DGKB: variants seen among roughly 807,000 people sequenced by gnomAD.
The protein encoded by DGKB is 90 kDa diacylglycerol kinase.
In DGKB, 67 loss-of-function variants were observed where a neutral mutation model predicts 114.3. That is an observed-to-expected ratio of 0.59 (90% CI 0.48 to 0.72). The LOEUF is 0.72. Ranked by LOEUF, DGKB falls within the 30% of genes least tolerant of loss-of-function variation. The pLI, the probability that DGKB is intolerant of heterozygous loss-of-function variation, is 0.00. For missense variants in DGKB, 907 were observed against 975.2 expected, an observed-to-expected ratio of 0.93 and a Z score of 0.93; for synonymous variants, 398 against 323.1, an observed-to-expected ratio of 1.23 and a Z score of -2.49.
intron 23 of DGKB, among the ~76,000 whole-genome samples, chr7:14,320,124 TTG>T (rs1372967607): frequency 6.6e-6 from 1 of 152,166 alleles, no homozygotes; most frequent in Non-Finnish European, 1.5e-5. Flanking sequence ...TCTCTGACAT[TTG>T]GTCCTAAGAG....
At chr7:14,229,198 G>A (rs1056068372) in intron 23 of DGKB, among the ~76,000 whole-genome samples, 1 of 151,834 alleles carries the variant, frequency 6.6e-6, no homozygotes, top group Non-Finnish European at 1.5e-5. Context: ...TATAATATGT[G>A]GTCAGTATTA....
chr7:14,619,500 A>G (rs1343805696), intron 15 of DGKB, among the ~76,000 whole-genome samples: 1 of 151,632 alleles, frequency 6.6e-6, no homozygotes, highest in Admixed American at 6.6e-5. Context: ...TGATTATGAA[A>G]ATCTTGGAAA....
intron 15 of DGKB, among the ~76,000 whole-genome samples, chr7:14,618,726 A>G (rs1437392020): frequency 2.0e-5 from 3 of 151,620 alleles, no homozygotes; most frequent in Admixed American, 6.6e-5. Flanking sequence ...ACTTCCTCTA[A>G]TTAGAAATAA....
chr7:14,434,411 A>T (rs1828935630), intron 21 of DGKB, among the ~76,000 whole-genome samples: 1 of 152,146 alleles, frequency 6.6e-6, no homozygotes, highest in African/African-American at 2.4e-5. Context: ...GGGTCCTCAA[A>T]AATGAGAGGC....
At chr7:14,946,682 G>A (rs1024906838) in intron 1 of DGKB, among the ~76,000 whole-genome samples, 2 of 151,688 alleles carry the variant, frequency 1.3e-5, no homozygotes, top group African/African-American at 4.8e-5. Flanking sequence ...GTTTTCAAAC[G>A]GAATGTGACT....
intron 25 of DGKB, among the ~76,000 whole-genome samples, chr7:14,159,471 C>T (rs1376022733): frequency 6.6e-6 from 1 of 152,222 alleles, no homozygotes; most frequent in South Asian, 2.1e-4. Flanking sequence ...CCTTCACAGA[C>T]CTTATATCAT....
chr7:14,418,336 TAC>T (rs1421491012), intron 21 of DGKB, among the ~76,000 whole-genome samples: 5 of 82,918 alleles, frequency 6.0e-5, no homozygotes, highest in Admixed American at 1.5e-4. Context: ...TGTATATATA[TAC>T]ACACACATAT....
intron 21 of DGKB, among the ~76,000 whole-genome samples, chr7:14,390,421 C>T (rs543476087): frequency 1.3e-5 from 2 of 152,106 alleles, no homozygotes; most frequent in Non-Finnish European, 2.9e-5. Context: ...GGATAAAAGA[C>T]CATTCCTTGA....
At chr7:14,220,621 A>G (rs537082707) in intron 23 of DGKB, among the ~76,000 whole-genome samples, 1 of 151,566 alleles carries the variant, frequency 6.6e-6, no homozygotes, top group East Asian at 1.9e-4. Flanking sequence ...TGCAATTCCA[A>G]ATGAATTTTA....
At chr7:14,673,398 T>A (rs967026702) in intron 12 of DGKB, among the ~76,000 whole-genome samples, 2 of 103,750 alleles carry the variant, frequency 1.9e-5, no homozygotes, top group Non-Finnish European at 3.9e-5. Flanking sequence ...TGCCTGTGTA[T>A]GCTTTTTTTT....
rs993500925 is a variant in DGKB, at chr7:14,794,224, T to C, written c.71-36493A>G. 1.3e-5 allele frequency among the ~76,000 whole-genome samples: 2 copies of C among 152,188 alleles called. 1 individual carries two copies. Among genetic ancestry groups the C allele is most frequent in the East Asian group, 3.8e-4 (2 of 5,196 alleles). Reference sequence around the variant, plus strand: ...TTCTAGAGGAACGTAATTTTAAAGATAAGTTTTCAAAATTGGTTCTGGAGT... The same window carrying C: ...TTCTAGAGGAACGTAATTTTAAAGACAAGTTTTCAAAATTGGTTCTGGAGT... On this transcript the variant is annotated intron_variant, in intron 2 of 25. Coordinates refer to ENST00000402815, the MANE Select transcript of DGKB (RefSeq NM_001350709.2).
chr7:14,535,378 GAAAA>G (rs111762380), intron 20 of DGKB, among the ~76,000 whole-genome samples: 9 of 123,588 alleles, frequency 7.3e-5, no homozygotes, highest in East Asian at 2.2e-4. Context: ...CTTAAAAAAA[GAAAA>G]AAAAAAAAAA....
At position 14,488,809 on chromosome 7, in the gene DGKB, G is replaced by A. The variant is rs1784193876; in HGVS notation, c.1771-10584C>T. On this transcript the variant is annotated intron_variant, in intron 20 of 25. Coordinates refer to ENST00000402815, the MANE Select transcript of DGKB (RefSeq NM_001350709.2). ...CGCCACTGCACTCCATCCAAACGGG[G>A]TGACAGAGCAAGACTCCGTCTCCAA... Among the ~76,000 whole-genome samples, 3 of 149,652 alleles carry A rather than the reference G, an allele frequency of 2.0e-5. No individual in the cohort carries two copies. In the South Asian group the frequency reaches 6.3e-4, roughly 31 times the overall value.
chr7:14,802,341 G>A (rs1842279372), intron 2 of DGKB, among the ~76,000 whole-genome samples: 1 of 151,748 alleles, frequency 6.6e-6, no homozygotes, highest in Admixed American at 6.6e-5. Flanking sequence ...CATTTTTCTG[G>A]AAATGTCCAC....
chr7:14,652,167 AC>A (rs1409429852), intron 13 of DGKB, among the ~76,000 whole-genome samples: 3 of 144,300 alleles, frequency 2.1e-5, no homozygotes, highest in Admixed American at 7.1e-5. Context: ...TTCATATGGA[AC>A]CAAAAAAGAG....
At chr7:14,227,798 G>A (rs937286129) in intron 23 of DGKB, among the ~76,000 whole-genome samples, 1 of 151,800 alleles carries the variant, frequency 6.6e-6, no homozygotes, top group African/African-American at 2.4e-5. Context: ...AAATGAGAGG[G>A]CACTTAAGAT....
intron 2 of DGKB, among the ~76,000 whole-genome samples, chr7:14,835,937 G>C (rs192388787): frequency 2.0e-5 from 3 of 152,214 alleles, no homozygotes; most frequent in Non-Finnish European, 4.4e-5. Flanking sequence ...GATTAAATGA[G>C]TTAACACTTG....
intron 21 of DGKB, among the ~76,000 whole-genome samples, chr7:14,460,332 G>C (rs1832890830): frequency 6.6e-6 from 1 of 152,010 alleles, no homozygotes; most frequent in Non-Finnish European, 1.5e-5. Context: ...AGACCCATTG[G>C]TGTGCTGTAT....
intron 5 of DGKB, among the ~76,000 whole-genome samples, chr7:14,724,061 A>G (rs961434227): frequency 5.9e-5 from 9 of 152,152 alleles, no homozygotes; most frequent in African/African-American, 2.2e-4. Flanking sequence ...CATTTTCTCT[A>G]TTTCTTAATG....
Sources: gnomAD v4.1 joint callset for allele counts (sites outside exome capture counted in the v4.1 genomes callset) on GRCh38, gnomAD v4.1.1 for gene constraint, MANE v1.5 for transcripts, NCBI Gene and HGNC (gene_info 2026-07-23, HGNC 2026-07-21) for gene names.